Variants in CPQ observed in about 807,000 individuals in gnomAD.
CPQ encodes carboxypeptidase Q.
CPQ carries 37 observed loss-of-function variants against 45.7 expected under a neutral mutation model. The ratio of observed to expected loss-of-function variants is 0.81; its 90% confidence interval spans 0.62 to 1.07. CPQ has a LOEUF of 1.07. CPQ is among the 50% of genes least tolerant of loss of function. The pLI is 0.00. For missense variants in CPQ, 537 were observed against 572.9 expected (o/e 0.94, Z 0.64); for synonymous variants, 186 against 205.8 (o/e 0.90, Z 0.82).
chr8:96,929,640 GATTA>G (rs1216790524), intron 4 of CPQ, among the ~76,000 whole-genome samples: 2 of 152,260 alleles, frequency 1.3e-5, no homozygotes, highest in East Asian at 3.9e-4. Flanking sequence ...TCTGAAACAT[GATTA>G]ATTTTTTCTA....
At chr8:96,673,292 T>TG (rs1185715633) in intron 1 of CPQ, among the ~76,000 whole-genome samples, 2 of 152,196 alleles carry the variant, frequency 1.3e-5, no homozygotes, top group African/African-American at 4.8e-5. Flanking sequence ...CAGAATTTTC[T>TG]GGGGTTTAAA....
At chr8:96,818,914 CTG>C (rs1442259243) in intron 2 of CPQ, among the ~76,000 whole-genome samples, 1 of 152,022 alleles carries the variant, frequency 6.6e-6, no homozygotes, top group Non-Finnish European at 1.5e-5. Flanking sequence ...TCAATGTAAA[CTG>C]TTAATTCTAT....
At chr8:96,748,241 A>G (rs1423527483) in intron 1 of CPQ, among the ~76,000 whole-genome samples, 1 of 152,206 alleles carries the variant, frequency 6.6e-6, no homozygotes, top group Admixed American at 6.5e-5. Context: ...AAACACAAAA[A>G]ATGTCCCTCA....
intron 3 of CPQ, among the ~76,000 whole-genome samples, chr8:96,875,025 A>G (rs901879012): frequency 4.6e-5 from 7 of 151,822 alleles, no homozygotes; most frequent in Non-Finnish European, 1.0e-4. Context: ...TAGCCATCCT[A>G]TTAGATGGAA....
intron 1 of CPQ, among the ~76,000 whole-genome samples, chr8:96,734,377 T>A (rs1809950754): frequency 6.6e-6 from 1 of 152,168 alleles, no homozygotes; most frequent in South Asian, 2.1e-4. Flanking sequence ...TGCAACCTGT[T>A]TTGTGAAAGG....
chr8:96,764,912 G>A (rs1339855587), intron 1 of CPQ, among the ~76,000 whole-genome samples: 1 of 152,150 alleles, frequency 6.6e-6, no homozygotes, highest in Admixed American at 6.5e-5. Context: ...TTCAGCTTTG[G>A]TTCTAGTTGC....
At chr8:97,093,628 A>C (rs183292345) in intron 7 of CPQ, among the ~76,000 whole-genome samples, 63 of 152,250 alleles carry the variant, frequency 4.1e-4, no homozygotes, top group African/African-American at 1.5e-3. Flanking sequence ...ATAACAGTGG[A>C]GATTCACTCA....
intron 7 of CPQ, among the ~76,000 whole-genome samples, chr8:97,090,613 C>G (rs901256915): frequency 6.6e-6 from 1 of 152,092 alleles, no homozygotes; most frequent in African/African-American, 2.4e-5. Flanking sequence ...CACTCAGAAC[C>G]TAGGAGATCA....
rs569361735 is a variant in CPQ, at chr8:96,797,134, A to G, written c.433+11804A>G. Among the ~76,000 whole-genome samples, 4 of 152,338 alleles carry G rather than the reference A, an allele frequency of 2.6e-5. No individual in the cohort carries two copies. In the East Asian group the frequency reaches 5.8e-4, roughly 22 times the overall value. On this transcript the variant is annotated intron_variant, in intron 2 of 7. Coordinates refer to ENST00000220763, the MANE Select transcript of CPQ (RefSeq NM_016134.4). ...TGCCACAGAAAATCTAGAGATTTTC[A>G]CAATGGTGCTTGTCTCTGAAACAGC...
intron 5 of CPQ, among the ~76,000 whole-genome samples, chr8:97,013,836 G>A (rs986766124): frequency 4.6e-5 from 7 of 152,190 alleles, no homozygotes; most frequent in Admixed American, 4.6e-4. Flanking sequence ...GTTAGGAAGT[G>A]TGTAGGAAAA....
At chr8:97,129,018 G>A (rs150606462) in intron 7 of CPQ, among the ~76,000 whole-genome samples, 1 of 152,296 alleles carries the variant, frequency 6.6e-6, no homozygotes, top group East Asian at 1.9e-4. Flanking sequence ...TAGACAGAGT[G>A]GGATTCACCC....
At chr8:96,680,603 A>G (rs1809136780) in intron 1 of CPQ, 1 of 152,250 alleles carries the variant, frequency 6.6e-6, no homozygotes, top group African/African-American at 2.4e-5. Flanking sequence ...GTATATCCTT[A>G]TCAGCAGCGT....
intron 5 of CPQ, among the ~76,000 whole-genome samples, chr8:96,972,802 G>A (rs1391708251): frequency 6.6e-6 from 1 of 152,116 alleles, no homozygotes; most frequent in Non-Finnish European, 1.5e-5. Context: ...CTACAGTTCA[G>A]CTCTCAGGAA....
At chr8:96,958,396 A>C (rs1813393240) in intron 4 of CPQ, among the ~76,000 whole-genome samples, 1 of 152,158 alleles carries the variant, frequency 6.6e-6, no homozygotes, top group African/African-American at 2.4e-5. Context: ...GACAACTTAT[A>C]CTGTGGTTGC....
intron 3 of CPQ, among the ~76,000 whole-genome samples, chr8:96,874,700 A>G (rs367550103): frequency 6.6e-6 from 1 of 151,886 alleles, no homozygotes; most frequent in African/African-American, 2.4e-5. Flanking sequence ...TAATTTCATC[A>G]TATGGCTATA....
At chr8:96,703,035 A>G (rs1403214763) in intron 1 of CPQ, among the ~76,000 whole-genome samples, 1 of 152,210 alleles carries the variant, frequency 6.6e-6, no homozygotes, top group African/African-American at 2.4e-5. Context: ...ATCAATAGAT[A>G]GATATTAAAT....
chr8:96,847,836 C>CTTT (rs76194040), intron 3 of CPQ, among the ~76,000 whole-genome samples: 1 of 84,528 alleles, frequency 1.2e-5, no homozygotes, highest in Non-Finnish European at 2.6e-5. Context: ...ATTTGTTTTC[C>CTTT]TTTTTTTTTT....
At chr8:96,846,829 A>G (rs967389804) in intron 3 of CPQ, among the ~76,000 whole-genome samples, 3 of 152,212 alleles carry the variant, frequency 2.0e-5, no homozygotes, top group African/African-American at 4.8e-5. Flanking sequence ...TCTGAATTCC[A>G]TAATCCAATC....
At chr8:97,109,324 C>A (rs560791274) in intron 7 of CPQ, among the ~76,000 whole-genome samples, 81 of 152,300 alleles carry the variant, frequency 5.3e-4, no homozygotes, top group Non-Finnish European at 8.1e-4. Flanking sequence ...AGGCAAACCC[C>A]CTTTCAGATT....
Sources: gnomAD v4.1 joint callset for allele counts (sites outside exome capture counted in the v4.1 genomes callset) on GRCh38, gnomAD v4.1.1 for gene constraint, MANE v1.5 for transcripts, NCBI Gene and HGNC (gene_info 2026-07-23, HGNC 2026-07-21) for gene names.